PDE4D: variants seen among roughly 807,000 people sequenced by gnomAD.
PDE4D encodes phosphodiesterase 4D.
Under a neutral mutation model 87.4 loss-of-function variants are expected in PDE4D, and 24 were observed. The observed-to-expected ratio is 0.27, with a 90% CI of 0.20 to 0.39. The LOEUF (loss-of-function observed/expected upper bound fraction) is 0.39, where lower values mean the gene tolerates loss of function less well. Among genes scored for constraint, PDE4D ranks in the 10% least tolerant of loss-of-function variants. The pLI, the probability that PDE4D is intolerant of heterozygous loss-of-function variation, is 1.00. For synonymous variants in PDE4D, 384 were observed against 383.2 expected, an observed-to-expected ratio of 1.00 and a Z score of -0.02; for missense variants, 714 against 1,041.0, an observed-to-expected ratio of 0.69 and a Z score of 4.32.
chr5:58,969,918 C>G lies in PDE4D; in HGVS notation c.*4746G>C, dbSNP rs1742318435. 6.6e-6 allele frequency: 1 copy of G among 152,116 alleles called. No homozygotes were observed. Among genetic ancestry groups the G allele is most frequent in the South Asian group, 2.1e-4 (1 of 4,818 alleles). 9.4% of individuals were successfully genotyped at this position (152,116 alleles called of 1,614,324 possible). On this transcript the variant is annotated 3_prime_UTR_variant, in exon 15 of 15. Coordinates refer to ENST00000340635, the MANE Select transcript of PDE4D (RefSeq NM_001104631.2). ...GGTAATTTTTAATGTAGCAAAATTA[C>G]TCAAGTTGGCTTTATTTGGTTATGA...
At chr5:60,114,758 A>G (rs1777985746) in intron 2 of PDE4D, among the ~76,000 whole-genome samples, 1 of 152,134 alleles carries the variant, frequency 6.6e-6, no homozygotes, top group Non-Finnish European at 1.5e-5. Context: ...ATAGAATGTC[A>G]CAGTGGATGA....
intron 2 of PDE4D, among the ~76,000 whole-genome samples, chr5:60,123,905 A>G (rs1778910460): frequency 6.6e-6 from 1 of 152,168 alleles, no homozygotes; most frequent in Non-Finnish European, 1.5e-5. Flanking sequence ...TTACCCCACA[A>G]CCAAATAATA....
At chr5:60,274,320 T>C (rs1483603081) in intron 1 of PDE4D, among the ~76,000 whole-genome samples, 4 of 145,314 alleles carry the variant, frequency 2.8e-5, no homozygotes. Context: ...TATTTTGTTG[T>C]TATTTGTTTG....
chr5:60,408,119 G>A (rs889401421), intron 1 of PDE4D, among the ~76,000 whole-genome samples: 3 of 152,122 alleles, frequency 2.0e-5, no homozygotes, highest in South Asian at 4.1e-4. Flanking sequence ...GTGTCTTTAT[G>A]TGACCCCATC....
intron 1 of PDE4D, among the ~76,000 whole-genome samples, chr5:59,780,760 A>T (rs1764530470): frequency 6.6e-6 from 1 of 152,172 alleles, no homozygotes; most frequent in Admixed American, 6.5e-5. Context: ...CAGCATCCTT[A>T]GATAAGTAGT....
In PDE4D at chr5:58,969,514, A is replaced by G. The variant is rs1478518822; in HGVS notation, c.*5150T>C. The G allele has an allele frequency of 6.6e-6, 1 of 152,126 alleles. No individual in the cohort carries two copies. Among genetic ancestry groups the G allele is most frequent in the African/African-American group, 2.4e-5 (1 of 41,408 alleles). 9.4% of individuals were successfully genotyped at this position (152,126 alleles called of 1,614,324 possible). ...TAGTTACCTCTTACAATCCTTCAGA[A>G]CTCAGATGCAAATCACTTTCTCAAG... On this transcript the variant is annotated 3_prime_UTR_variant, in exon 15 of 15. Transcript: ENST00000340635.
At chr5:60,126,692 A>G (rs956001978) in intron 2 of PDE4D, among the ~76,000 whole-genome samples, 2 of 152,214 alleles carry the variant, frequency 1.3e-5, no homozygotes, top group Non-Finnish European at 2.9e-5. Context: ...AACACTAGCC[A>G]TTAACAGCCA....
chr5:59,069,579 A>G (rs1179653105), intron 5 of PDE4D, among the ~76,000 whole-genome samples: 1 of 150,206 alleles, frequency 6.7e-6, no homozygotes, highest in African/African-American at 2.4e-5. Context: ...CTGAGCAACC[A>G]GGAAAACAGC....
chr5:59,446,771 G>A (rs1370107376), intron 1 of PDE4D, among the ~76,000 whole-genome samples: 1 of 152,208 alleles, frequency 6.6e-6, no homozygotes, highest in Non-Finnish European at 1.5e-5. Flanking sequence ...AAGTTCTGCT[G>A]TGTTCTAGCC....
chr5:59,325,458 A>G (rs1156766351), intron 1 of PDE4D, among the ~76,000 whole-genome samples: 1 of 152,168 alleles, frequency 6.6e-6, no homozygotes, highest in Non-Finnish European at 1.5e-5. Context: ...TAGTAAATGC[A>G]TAGCAAAAGG....
intron 1 of PDE4D, among the ~76,000 whole-genome samples, chr5:59,454,290 C>A (rs1316701382): frequency 6.6e-6 from 1 of 152,194 alleles, no homozygotes; most frequent in Non-Finnish European, 1.5e-5. Flanking sequence ...TCCCACAATT[C>A]CCACATGTCG....
chr5:59,701,575 T>C (rs1183092719), intron 1 of PDE4D, among the ~76,000 whole-genome samples: 3 of 152,162 alleles, frequency 2.0e-5, no homozygotes, highest in Non-Finnish European at 4.4e-5. Flanking sequence ...TGCCATTCCT[T>C]AGAATTCAAG....
At chr5:59,333,954 T>A (rs529974786) in intron 1 of PDE4D, among the ~76,000 whole-genome samples, 3 of 152,050 alleles carry the variant, frequency 2.0e-5, no homozygotes, top group Non-Finnish European at 4.4e-5. Flanking sequence ...TGTATGCAAA[T>A]CTTTAAACCT....
chr5:60,519,153 T>C (rs772371031), intron 1 of PDE4D, among the ~76,000 whole-genome samples: 8 of 152,208 alleles, frequency 5.3e-5, no homozygotes, highest in Non-Finnish European at 1.2e-4. Context: ...GAAGTACTTA[T>C]TTAAAAGAGA....
chr5:59,199,754 C>T (rs1431384213), intron 2 of PDE4D, among the ~76,000 whole-genome samples: 1 of 152,054 alleles, frequency 6.6e-6, no homozygotes, highest in Non-Finnish European at 1.5e-5. Flanking sequence ...CTACTCACAA[C>T]TCTCTAGACC....
intron 5 of PDE4D, among the ~76,000 whole-genome samples, chr5:59,144,985 A>G (rs1778416226): frequency 7.0e-6 from 1 of 141,932 alleles, no homozygotes; most frequent in Non-Finnish European, 1.5e-5. Flanking sequence ...TGCTGTTTTT[A>G]TTACAGACTA....
chr5:60,149,995 T>C (rs1781361207), intron 2 of PDE4D, among the ~76,000 whole-genome samples: 1 of 147,150 alleles, frequency 6.8e-6, no homozygotes, highest in African/African-American at 2.5e-5. Flanking sequence ...GTAATACATA[T>C]GTGTATATAA....
intron 5 of PDE4D, among the ~76,000 whole-genome samples, chr5:59,147,010 G>C (rs955649848): frequency 6.6e-6 from 1 of 152,136 alleles, no homozygotes; most frequent in East Asian, 1.9e-4. Context: ...AGATCAGTGG[G>C]ACTGTGAATC....
At chr5:59,887,457 T>C in intron 1 of PDE4D, among the ~76,000 whole-genome samples, 1 of 152,226 alleles carries the variant, frequency 6.6e-6, no homozygotes, top group East Asian at 1.9e-4. Flanking sequence ...CTTAGCAACG[T>C]TGCTGTTATG....
Sources: allele counts gnomAD v4.1 joint callset (sites outside exome capture counted in the v4.1 genomes callset), GRCh38; gene constraint gnomAD v4.1.1; transcripts MANE v1.5; gene names NCBI Gene and HGNC (gene_info 2026-07-23, HGNC 2026-07-21).